Variants in RPS6KA5 observed in about 807,000 individuals in gnomAD.
RPS6KA5 encodes the protein ribosomal protein S6 kinase alpha-5.
Under a neutral mutation model 85.5 loss-of-function variants are expected in RPS6KA5, and 27 were observed. The ratio of observed to expected loss-of-function variants is 0.32; its 90% CI spans 0.23 to 0.44. The LOEUF is 0.44. Among genes scored for constraint, RPS6KA5 ranks in the 20% least tolerant of loss-of-function variants. The pLI, the probability that RPS6KA5 is intolerant of heterozygous loss-of-function variation, is 1.00. For missense variants in RPS6KA5, 811 were observed against 980.9 expected, an observed-to-expected ratio of 0.83 and a Z score of 2.31; for synonymous variants, 334 against 348.2, an observed-to-expected ratio of 0.96 and a Z score of 0.46.
rs140592300 is a variant in RPS6KA5, at chr14:90,934,452, C to T, written c.618+8626G>A. 3.2e-4 allele frequency among the ~76,000 whole-genome samples: 48 copies of T among 152,170 alleles called. 1 individual carries two copies. In the East Asian group the frequency reaches 3.7e-3, roughly 12 times the overall value. ...GGACTTTAAAGTCCCTGACACTCAG[C>T]ATAGTTCTGAATCATTTTCCTTTCT... On this transcript the variant is annotated intron_variant, in intron 5 of 16. Coordinates refer to ENST00000614987, the MANE Select transcript of RPS6KA5 (RefSeq NM_004755.4).
At chr14:90,879,012 A>C (rs1263092766) in intron 14 of RPS6KA5, among the ~76,000 whole-genome samples, 1 of 152,196 alleles carries the variant, frequency 6.6e-6, no homozygotes, top group Non-Finnish European at 1.5e-5. Context: ...AGCAGACCTG[A>C]AGTATTCTGG....
At chr14:90,946,934 T>TGGA (rs2037902065) in intron 4 of RPS6KA5, among the ~76,000 whole-genome samples, 1 of 152,032 alleles carries the variant, frequency 6.6e-6, no homozygotes, top group Admixed American at 6.6e-5. Context: ...CTGGGGACAA[T>TGGA]GGAGGAGAGA....
At chr14:90,920,977 C>T (rs2036374128) in intron 6 of RPS6KA5, among the ~76,000 whole-genome samples, 1 of 152,020 alleles carries the variant, frequency 6.6e-6, no homozygotes, top group Non-Finnish European at 1.5e-5. Context: ...AGCAATCTGC[C>T]CACCTCAGCC....
At chr14:90,958,849 T>C (rs973732089) in intron 3 of RPS6KA5, among the ~76,000 whole-genome samples, 3 of 152,016 alleles carry the variant, frequency 2.0e-5, no homozygotes, top group Non-Finnish European at 4.4e-5. Context: ...ATGATTACTA[T>C]GGAAAAAGTA....
intron 1 of RPS6KA5, among the ~76,000 whole-genome samples, chr14:91,029,813 T>C (rs1321380644): frequency 1.3e-5 from 2 of 152,298 alleles, no homozygotes; most frequent in East Asian, 1.9e-4. Context: ...TTATACAATA[T>C]ATGTACATTA....
chr14:90,927,147 G>A (rs953573620), intron 5 of RPS6KA5, among the ~76,000 whole-genome samples: 2 of 152,060 alleles, frequency 1.3e-5, no homozygotes, highest in African/African-American at 4.8e-5. Flanking sequence ...TAAAATCAGG[G>A]TAATATTACA....
At chr14:90,896,708 T>C (rs1180486920) in intron 12 of RPS6KA5, among the ~76,000 whole-genome samples, 53 of 151,766 alleles carry the variant, frequency 3.5e-4, no homozygotes. Context: ...ATCCTCAACA[T>C]TTTTTTTCTT....
At chr14:91,009,315 T>C (rs905197976) in intron 1 of RPS6KA5, among the ~76,000 whole-genome samples, 1 of 152,174 alleles carries the variant, frequency 6.6e-6, no homozygotes, top group African/African-American at 2.4e-5. Flanking sequence ...GAAAACATCA[T>C]CTATGAAGCA....
At chr14:90,888,011 A>G (rs1326961206) in intron 14 of RPS6KA5, among the ~76,000 whole-genome samples, 1 of 151,328 alleles carries the variant, frequency 6.6e-6, no homozygotes, top group Non-Finnish European at 1.5e-5. Context: ...GGATTTCAGT[A>G]AGATGCAAAC....
intron 2 of RPS6KA5, among the ~76,000 whole-genome samples, chr14:90,996,620 G>C (rs1346451674): frequency 6.6e-6 from 1 of 151,630 alleles, no homozygotes; most frequent in East Asian, 1.9e-4. Context: ...ATAATAATTG[G>C]GTTAATCAAA....
At chr14:91,013,799 G>T (rs1392846509) in intron 1 of RPS6KA5, among the ~76,000 whole-genome samples, 2 of 152,206 alleles carry the variant, frequency 1.3e-5, no homozygotes, top group Non-Finnish European at 2.9e-5. Flanking sequence ...ATGGAAAACA[G>T]TGAAGCCAAT....
intron 5 of RPS6KA5, among the ~76,000 whole-genome samples, chr14:90,927,889 C>T (rs992523558): frequency 1.3e-5 from 2 of 151,356 alleles, no homozygotes; most frequent in African/African-American, 4.9e-5. Flanking sequence ...AGAATACACA[C>T]ATAGTCTTTC....
intron 6 of RPS6KA5, 77 bp downstream of exon 6, chr14:90,923,036 T>G: frequency 9.7e-7 from 1 of 1,035,554 alleles, no homozygotes; most frequent in Non-Finnish European, 1.5e-6. Flanking sequence ...GTTGAAGAGA[T>G]GACCTAAGTT....
At chr14:90,922,775 T>TACA (rs1566744582) in intron 6 of RPS6KA5, among the ~76,000 whole-genome samples, 7 of 152,138 alleles carry the variant, frequency 4.6e-5, no homozygotes, top group Non-Finnish European at 8.8e-5. Context: ...CTCTAAGAAA[T>TACA]AGGCTCTCTC....
chr14:90,879,044 G>A (rs1327219184), intron 14 of RPS6KA5, among the ~76,000 whole-genome samples: 6 of 152,188 alleles, frequency 3.9e-5, no homozygotes, highest in Admixed American at 3.9e-4. Flanking sequence ...GCCTTCTGTG[G>A]CAGGTAACTA....
chr14:90,957,438 T>TGAA (rs1430747295), intron 3 of RPS6KA5, among the ~76,000 whole-genome samples: 2 of 152,218 alleles, frequency 1.3e-5, no homozygotes, highest in Admixed American at 1.3e-4. Flanking sequence ...ATCTGCAGTG[T>TGAA]GAAGCCTCCA....
intron 15 of RPS6KA5, among the ~76,000 whole-genome samples, chr14:90,874,040 A>G (rs2033294300): frequency 6.6e-6 from 1 of 152,234 alleles, no homozygotes; most frequent in African/African-American, 2.4e-5. Context: ...AATCAGGAGA[A>G]AATAAACATC....
intron 1 of RPS6KA5, among the ~76,000 whole-genome samples, chr14:91,054,364 C>T (rs1212783558): frequency 1.3e-5 from 2 of 152,036 alleles, no homozygotes; most frequent in Admixed American, 6.6e-5. Context: ...GGGCCAGGAG[C>T]GGTGGCTCAC....
At position 90,920,248 on chromosome 14, in the gene RPS6KA5, A is replaced by G; in HGVS notation, c.764T>C (p.Phe255Ser). The G allele has an allele frequency of 6.2e-7, 1 of 1,612,580 alleles. No homozygotes were observed. The highest frequency in any genetic ancestry group is 8.5e-7 in the Non-Finnish European group (1 of 1,178,992). Residue 255 changes from phenylalanine (F) to serine (S), a missense_variant, in exon 7 of 17, where the codon TTC (phenylalanine) becomes TCC (serine). By Grantham distance (155) the Phe-to-Ser change is radical. Transcript: ENST00000614987. ...MYELLTGASPFTVDGEKNSQA... is the reference protein window; with the variant it reads ...MYELLTGASPSTVDGEKNSQA... ...GGAATTTTTTTCTCCATCAACAGTG[A>G]AAGGAGATGCTCCAGTTAGTAATTC...
Sources: gnomAD v4.1 joint callset for allele counts (sites outside exome capture counted in the v4.1 genomes callset) on GRCh38, gnomAD v4.1.1 for gene constraint, MANE v1.5 for transcripts, NCBI Gene and HGNC (gene_info 2026-07-23, HGNC 2026-07-21) for gene names.